The following PDE7B variants were observed in gnomAD, a reference collection of about 807,000 sequenced individuals.
The protein encoded by PDE7B is 3',5'-cyclic-AMP phosphodiesterase 7B.
A neutral mutation model predicts 56.2 loss-of-function variants in PDE7B; 29 were observed. The ratio of observed to expected loss-of-function variants is 0.52; its 90% confidence interval spans 0.38 to 0.70. The LOEUF is 0.70. PDE7B is among the 30% of genes least tolerant of loss of function. The pLI, the probability that PDE7B is intolerant of heterozygous loss-of-function variation, is 0.00. For synonymous variants in PDE7B, 197 were observed against 196.9 expected (o/e 1.00, Z 0.00); for missense variants, 490 against 565.0 (o/e 0.87, Z 1.35).
intron 2 of PDE7B, among the ~76,000 whole-genome samples, chr6:135,982,491 C>T (rs534860286): frequency 3.8e-4 from 58 of 152,230 alleles, no homozygotes; most frequent in African/African-American, 1.3e-3. Flanking sequence ...GTGCGCATCC[C>T]TTGTTCAATC....
intron 1 of PDE7B, among the ~76,000 whole-genome samples, chr6:135,936,609 T>G (rs1009521227): frequency 6.6e-6 from 1 of 152,178 alleles, no homozygotes; most frequent in Non-Finnish European, 1.5e-5. Flanking sequence ...AGGGTCCTTT[T>G]CTGGGTCAAA....
intron 1 of PDE7B, among the ~76,000 whole-genome samples, chr6:135,943,490 C>A (rs1264301685): frequency 6.6e-6 from 1 of 152,104 alleles, no homozygotes; most frequent in Non-Finnish European, 1.5e-5. Context: ...TCAAAAGTAG[C>A]CAATATTCGA....
intron 12 of PDE7B, 35 bp downstream of exon 12, chr6:136,187,151 C>T (rs1173655771): frequency 2.0e-6 from 2 of 1,004,952 alleles, no homozygotes; most frequent in African/African-American, 1.6e-5. Flanking sequence ...CAAATAAATA[C>T]CTTTGGCACA....
chr6:136,137,205 A>G (rs143398855), intron 3 of PDE7B, among the ~76,000 whole-genome samples: 32 of 152,116 alleles, frequency 2.1e-4, no homozygotes, highest in Admixed American at 4.6e-4. Context: ...GTAGTACACT[A>G]TGATTGCACA....
intron 2 of PDE7B, among the ~76,000 whole-genome samples, chr6:135,993,378 T>C (rs1220951304): frequency 1.3e-5 from 2 of 152,198 alleles, no homozygotes; most frequent in African/African-American, 4.8e-5. Flanking sequence ...CCTGGGAAGA[T>C]TTTTAAAATT....
intron 2 of PDE7B, among the ~76,000 whole-genome samples, chr6:136,040,375 T>C (rs373296559): frequency 3.9e-5 from 6 of 152,312 alleles, no homozygotes; most frequent in Admixed American, 6.5e-5. Context: ...TCATCATCCA[T>C]CTATGCAGCA....
At chr6:136,133,659 A>G (rs1013844441) in intron 3 of PDE7B, among the ~76,000 whole-genome samples, 3 of 152,154 alleles carry the variant, frequency 2.0e-5, no homozygotes, top group Non-Finnish European at 4.4e-5. Flanking sequence ...TAAGCTAGGC[A>G]CCATAATAAT....
At chr6:136,144,875 A>G (rs984885538) in intron 3 of PDE7B, among the ~76,000 whole-genome samples, 15 of 152,282 alleles carry the variant, frequency 9.9e-5, no homozygotes, top group African/African-American at 3.6e-4. Flanking sequence ...TAGGAAGAGC[A>G]TGATGTCAGT....
At chr6:136,130,460 G>A (rs1461549852) in intron 3 of PDE7B, among the ~76,000 whole-genome samples, 1 of 152,248 alleles carries the variant, frequency 6.6e-6, no homozygotes, top group East Asian at 1.9e-4. Flanking sequence ...AAGTGTGAGC[G>A]GCAAAGTAGA....
intron 1 of PDE7B, among the ~76,000 whole-genome samples, chr6:135,890,906 C>G (rs1454194253): frequency 1.3e-5 from 2 of 151,944 alleles, no homozygotes; most frequent in African/African-American, 4.8e-5. Context: ...AGTGTTTATT[C>G]ACGTGTTATT....
intron 2 of PDE7B, among the ~76,000 whole-genome samples, chr6:135,989,669 A>G (rs1224134046): frequency 6.6e-6 from 1 of 152,168 alleles, no homozygotes; most frequent in Non-Finnish European, 1.5e-5. Context: ...ATGCAAAATT[A>G]TTTTCAGGGA....
chr6:136,008,958 A>G (rs1469227996), intron 2 of PDE7B, among the ~76,000 whole-genome samples: 1 of 151,984 alleles, frequency 6.6e-6, no homozygotes, highest in African/African-American at 2.4e-5. Context: ...TAGGGTTTTT[A>G]TGGTTTTAGG....
intron 2 of PDE7B, among the ~76,000 whole-genome samples, chr6:136,099,946 T>C (rs564542533): frequency 6.6e-6 from 1 of 152,242 alleles, no homozygotes; most frequent in Non-Finnish European, 1.5e-5. Flanking sequence ...GAGTTAATTT[T>C]TGTATAAGGT....
intron 1 of PDE7B, among the ~76,000 whole-genome samples, chr6:135,889,330 A>C (rs915985608): frequency 1.3e-5 from 2 of 151,410 alleles, no homozygotes; most frequent in African/African-American, 4.9e-5. Context: ...TTTTTTTGAC[A>C]GAGTCTTACT....
chr6:135,955,666 G>A (rs748338560), intron 2 of PDE7B, among the ~76,000 whole-genome samples: 6 of 152,084 alleles, frequency 3.9e-5, no homozygotes, highest in Non-Finnish European at 8.8e-5. Context: ...ATGCACAGGA[G>A]GAGGATATCG....
At chr6:136,080,066 A>C (rs1777182019) in intron 2 of PDE7B, among the ~76,000 whole-genome samples, 1 of 152,178 alleles carries the variant, frequency 6.6e-6, no homozygotes, top group Admixed American at 6.5e-5. Flanking sequence ...GGAGAGGGGA[A>C]AAAATAAATG....
chr6:135,869,325 G>A (rs1257542780), intron 1 of PDE7B, among the ~76,000 whole-genome samples: 2 of 151,982 alleles, frequency 1.3e-5, no homozygotes, highest in Non-Finnish European at 2.9e-5. Context: ...TATTTATGAA[G>A]TCTTGAGAAA....
intron 8 of PDE7B, among the ~76,000 whole-genome samples, chr6:136,167,887 C>T (rs1284265314): frequency 3.9e-5 from 6 of 152,172 alleles, no homozygotes; most frequent in Non-Finnish European, 7.3e-5. Flanking sequence ...AGATAAAGAA[C>T]TCTAATAGAC....
intron 9 of PDE7B, 77 bp from the exon 10 acceptor site, chr6:136,178,917 CTGA>C (rs1293199980): frequency 2.6e-5 from 37 of 1,437,584 alleles, no homozygotes; most frequent in Non-Finnish European, 3.4e-5. Flanking sequence ...TACAAGCCAC[CTGA>C]TGATGATAAA....
Sources: allele counts gnomAD v4.1 joint callset (sites outside exome capture counted in the v4.1 genomes callset), GRCh38; gene constraint gnomAD v4.1.1; transcripts MANE v1.5; gene names NCBI Gene and HGNC (gene_info 2026-07-23, HGNC 2026-07-21).